Variants in GRTP1 observed in about 807,000 individuals in gnomAD.
GRTP1 encodes the protein growth hormone-regulated TBC protein 1.
In GRTP1, 56 loss-of-function variants were observed where a neutral mutation model predicts 38.1. The observed-to-expected ratio is 1.47, with a 90% CI of 1.19 to 1.84. The LOEUF is 1.84. Among genes scored for constraint, GRTP1 ranks in the 40% most tolerant of loss-of-function variants. The probability of loss-of-function intolerance (pLI) is 0.00; values close to 1 mark genes in which losing one functional copy is unlikely to be tolerated. For synonymous variants in GRTP1, 217 were observed against 189.5 expected, an observed-to-expected ratio of 1.14 and a Z score of -1.19; for missense variants, 506 against 453.9, an observed-to-expected ratio of 1.11 and a Z score of -1.04.
rs2043554946 is a variant in GRTP1 at position 113,364,101 on chromosome 13, C to T, written c.-50G>A. The T allele has an allele frequency of 3.3e-6, 4 of 1,224,836 alleles. No homozygotes were observed. The highest frequency in any genetic ancestry group is 4.0e-6 in the Non-Finnish European group (4 of 989,368). 75.9% of individuals were successfully genotyped at this position (1,224,836 alleles called of 1,614,324 possible). ...CGAGGCCAGCGGGTCCCAAGTTCGC[C>T]TCCCGGCTCCGGGGCGCTTAAGTCC... On this transcript the variant is annotated 5_prime_UTR_variant, in exon 1 of 8. Transcript: ENST00000375431.
At chr13:113,338,688 C>T (rs912810670) in intron 5 of GRTP1, among the ~76,000 whole-genome samples, 3 of 152,286 alleles carry the variant, frequency 2.0e-5, no homozygotes, top group Admixed American at 6.5e-5. Flanking sequence ...CACTGCCCCA[C>T]GGCAGGGAGC....
chr13:113,345,024 C>T, intron 4 of GRTP1, 65 bp from the exon 5 acceptor site: 5 of 1,532,496 alleles, frequency 3.3e-6, no homozygotes, highest in South Asian at 1.2e-5. Flanking sequence ...ATTCTGCAAT[C>T]ATTCGGCTAC....
At chr13:113,325,381 G>A (rs1193739438) in intron 7 of GRTP1, 3 of 1,429,246 alleles carry the variant, frequency 2.1e-6, no homozygotes, top group South Asian at 1.5e-5. Flanking sequence ...GCCTCGGGAA[G>A]CCACACTTCT....
intron 7 of GRTP1, 174 bp downstream of exon 7, chr13:113,325,487 C>A (rs1336649649): frequency 1.2e-5 from 18 of 1,466,332 alleles, no homozygotes; most frequent in Non-Finnish European, 1.5e-5. Context: ...GACAGGAAAG[C>A]CCTCGGAGGC....
At position 113,329,093 on chromosome 13, in the gene GRTP1, C is replaced by T. The variant is rs569975480; in HGVS notation, c.563-3002G>A. 6.6e-5 allele frequency among the ~76,000 whole-genome samples: 10 copies of T among 152,370 alleles called. No homozygotes were observed. In the South Asian group the frequency reaches 1.9e-3, roughly 28 times the overall value. Reference sequence around the variant, plus strand: ...GGTGCTCTCCAGGGTGTGCGTGACACGTGTTGATAAGCGTCTTTTTCTCAC... The same window carrying T: ...GGTGCTCTCCAGGGTGTGCGTGACATGTGTTGATAAGCGTCTTTTTCTCAC... On this transcript the variant is annotated intron_variant, in intron 5 of 7. Transcript: ENST00000375431.
chr13:113,357,077 C>CG (rs1566442070), intron 2 of GRTP1, among the ~76,000 whole-genome samples: 1 of 148,668 alleles, frequency 6.7e-6, no homozygotes, highest in Non-Finnish European at 1.5e-5. Context: ...TTTGGGAGGC[C>CG]AAGGTGGGCA....
At chr13:113,330,942 C>T (rs67971028) in intron 5 of GRTP1, among the ~76,000 whole-genome samples, 37 of 113,340 alleles carry the variant, frequency 3.3e-4, no homozygotes, top group Non-Finnish European at 3.8e-4. Flanking sequence ...CAGGTGTGTG[C>T]ATGGAAAACC....
At chr13:113,345,335 C>A (rs2043085413) in intron 4 of GRTP1, among the ~76,000 whole-genome samples, 1 of 152,192 alleles carries the variant, frequency 6.6e-6, no homozygotes, top group Non-Finnish European at 1.5e-5. Flanking sequence ...ATACCAATGA[C>A]CACATTTTAT....
In GRTP1 at chr13:113,349,858, G is replaced by A. The variant is rs969642834; in HGVS notation, c.465+991C>T. 1.3e-5 allele frequency among the ~76,000 whole-genome samples: 2 copies of A among 152,128 alleles called. No homozygotes were observed. The highest frequency in any genetic ancestry group is 2.4e-5 in the African/African-American group (1 of 41,416). ...CCCGGCTCCTACAGGAAGTTTCTGG[G>A]GGCATCACTGGGACTGCTAGGTTCG... On this transcript the variant is annotated intron_variant, in intron 4 of 7. Coordinates refer to ENST00000375431, the MANE Select transcript of GRTP1 (RefSeq NM_024719.4). This position sits in a 1 kb window ranked among gnomAD's most constrained non-coding sequence, Gnocchi z 5.0.
chr13:113,351,061 T>C, intron 3 of GRTP1, 88 bp from the exon 4 acceptor site: 1 of 1,566,074 alleles, frequency 6.4e-7, no homozygotes, highest in Non-Finnish European at 8.7e-7. Flanking sequence ...GCCACCTGGG[T>C]TCCACTTGGG....
At chr13:113,345,552 C>T (rs762867797) in intron 4 of GRTP1, among the ~76,000 whole-genome samples, 9 of 152,246 alleles carry the variant, frequency 5.9e-5, no homozygotes, top group Non-Finnish European at 1.2e-4. Context: ...GCGTTTTACA[C>T]GACTGAAATT....
At position 113,355,429 on chromosome 13, in the gene GRTP1, CCA is replaced by C. The variant is rs2043367214; in HGVS notation, c.232_233del (p.Trp78AspfsTer70). On this transcript the variant is annotated frameshift_variant, in exon 3 of 8. Coordinates refer to ENST00000375431, the MANE Select transcript of GRTP1 (RefSeq NM_024719.4). LOFTEE classifies it high-confidence loss of function. ...GCGCCTGGGCCCCACTCAGCACCATCCAGACGCGGGCACGGTGCTCCAGCGGG... is the reference window on the plus strand; with the variant it reads ...GCGCCTGGGCCCCACTCAGCACCATCGACGCGGGCACGGTGCTCCAGCGGG... ...GVPLEHRARV[W>X]MVLSGAQAQM... The C allele has an allele frequency of 1.2e-6, 2 of 1,613,956 alleles. No individual in the cohort carries two copies. Among genetic ancestry groups the C allele is most frequent in the Non-Finnish European group, 1.7e-6 (2 of 1,179,988 alleles).
In GRTP1 at chr13:113,342,223, G is replaced by A. The variant is rs1031024566; in HGVS notation, c.562+2640C>T. On this transcript the variant is annotated intron_variant, in intron 5 of 7. Coordinates refer to ENST00000375431, the MANE Select transcript of GRTP1 (RefSeq NM_024719.4). This position sits in a 1 kb window ranked among gnomAD's most constrained non-coding sequence, Gnocchi z 4.5. ...TGCTAGGATTACAGGCGTGAGCCAC[G>A]GCTCCTGGCTGTCACTTTTTATTCT... Among the ~76,000 whole-genome samples, 3 of 152,100 alleles carry A rather than the reference G, an allele frequency of 2.0e-5. No homozygotes were observed. Among genetic ancestry groups the A allele is most frequent in the Admixed American group, 6.6e-5 (1 of 15,262 alleles).
chr13:113,354,621 C>T (rs1032677355), intron 3 of GRTP1, among the ~76,000 whole-genome samples: 2 of 151,940 alleles, frequency 1.3e-5, no homozygotes, highest in Non-Finnish European at 2.9e-5. Context: ...CTCCACCTCC[C>T]GGGTTCAAGC....
chr13:113,335,875 C>G (rs2042947902), intron 5 of GRTP1, among the ~76,000 whole-genome samples: 1 of 152,098 alleles, frequency 6.6e-6, no homozygotes, highest in Non-Finnish European at 1.5e-5. Flanking sequence ...TCACTGCAGC[C>G]TCAACCTCCT....
At chr13:113,363,717 A>AACCCACCTGCGCCCTAGGG in intron 2 of GRTP1, 45 bp downstream of exon 2, 2 of 1,525,498 alleles carry the variant, frequency 1.3e-6, no homozygotes, top group Non-Finnish European at 1.8e-6. Context: ...GTCCCAGCCC[A>AACCCACCTGCGCCCTAGGG]ACCCACCTGC....
intron 2 of GRTP1, among the ~76,000 whole-genome samples, chr13:113,363,370 G>A (rs2043534650): frequency 1.3e-5 from 2 of 152,236 alleles, no homozygotes; most frequent in Non-Finnish European, 2.9e-5. Flanking sequence ...ACCACGCCCG[G>A]CTAATTTTGT....
intron 3 of GRTP1, among the ~76,000 whole-genome samples, chr13:113,353,028 C>T: frequency 6.6e-6 from 1 of 151,854 alleles, no homozygotes; most frequent in South Asian, 2.1e-4. Context: ...CAGCCCCACA[C>T]TCTGGGTAGG....
intron 5 of GRTP1, among the ~76,000 whole-genome samples, chr13:113,337,672 G>A (rs1006611660): frequency 3.9e-5 from 6 of 152,252 alleles, no homozygotes; most frequent in African/African-American, 1.4e-4. Context: ...TGGTGACTCA[G>A]CGCAATCTGA....
Sources: gnomAD v4.1 joint callset for allele counts (sites outside exome capture counted in the v4.1 genomes callset) on GRCh38, gnomAD v4.1.1 for gene constraint, Gnocchi (gnomAD v3.1) non-coding constraint, MANE v1.5 for transcripts, NCBI Gene and HGNC (gene_info 2026-07-23, HGNC 2026-07-21) for gene names.